Variants in ROBO1 observed in about 807,000 individuals in gnomAD.
ROBO1 encodes roundabout homolog 1.
In ROBO1, 149 loss-of-function variants were observed where a neutral mutation model predicts 195.9. The ratio of observed to expected loss-of-function variants is 0.76; its 90% confidence interval spans 0.67 to 0.87. ROBO1 has a LOEUF of 0.87. Ranked by LOEUF, ROBO1 falls within the 40% of genes least tolerant of loss-of-function variation. ROBO1 has a pLI of 0.00. For missense variants in ROBO1, 1,933 were observed against 2,068.3 expected, an observed-to-expected ratio of 0.93 and a Z score of 1.27; for synonymous variants, 816 against 733.2, an observed-to-expected ratio of 1.11 and a Z score of -1.82.
intron 3 of ROBO1, among the ~76,000 whole-genome samples, chr3:79,055,365 C>T (rs1474450800): frequency 6.6e-6 from 1 of 152,042 alleles, no homozygotes; most frequent in African/African-American, 2.4e-5. Context: ...TAAACAATGG[C>T]CCACCTGCAC....
intron 4 of ROBO1, among the ~76,000 whole-genome samples, chr3:78,767,935 A>G (rs1329482741): frequency 1.3e-5 from 2 of 151,708 alleles, no homozygotes; most frequent in African/African-American, 4.8e-5. Context: ...GTTCTGCTAT[A>G]ATCTTGGTTA....
chr3:78,784,427 T>C (rs1206523722), intron 4 of ROBO1, among the ~76,000 whole-genome samples: 2 of 152,162 alleles, frequency 1.3e-5, no homozygotes, highest in Non-Finnish European at 2.9e-5. Context: ...TTGAGTTCCA[T>C]TGGGTATCAG....
At chr3:79,608,886 A>T (rs897645246) in intron 1 of ROBO1, among the ~76,000 whole-genome samples, 12 of 151,952 alleles carry the variant, frequency 7.9e-5, no homozygotes, top group African/African-American at 2.9e-4. Flanking sequence ...AATGGTATTA[A>T]AAGATATATT....
chr3:79,229,256 G>A (rs769102384), intron 2 of ROBO1, among the ~76,000 whole-genome samples: 7 of 151,706 alleles, frequency 4.6e-5, no homozygotes, highest in Non-Finnish European at 1.0e-4. Flanking sequence ...GTTTGTTTCC[G>A]TAAAGAACAA....
At chr3:79,175,239 T>G (rs2081245083) in intron 2 of ROBO1, among the ~76,000 whole-genome samples, 2 of 152,210 alleles carry the variant, frequency 1.3e-5, no homozygotes, top group South Asian at 4.1e-4. Context: ...TTGATAATTT[T>G]TATACCCAGT....
chr3:79,626,678 G>A (rs1056768753), intron 1 of ROBO1, among the ~76,000 whole-genome samples: 5 of 152,082 alleles, frequency 3.3e-5, no homozygotes, highest in African/African-American at 1.2e-4. Flanking sequence ...AGAAATAAAG[G>A]ATATTCAAAT....
At position 79,703,580 on chromosome 3, in the gene ROBO1, G is replaced by A. The variant is rs192628364; in HGVS notation, c.-51+64172C>T. On this transcript the variant is annotated intron_variant, in intron 1 of 30. Transcript: ENST00000464233. ...AATTCATTACAATAAAAATAGCTAA[G>A]CAGTTTTTAGCATGTGTACTCTATT... Among the ~76,000 whole-genome samples the A allele has an allele frequency of 4.7e-3, 713 of 151,828 alleles. 10 individuals are homozygous for A. Among genetic ancestry groups the A allele is most frequent in the African/African-American group, 0.015 (619 of 41,476 alleles).
chr3:79,633,521 G>A (rs1266565391), intron 1 of ROBO1, among the ~76,000 whole-genome samples: 1 of 151,776 alleles, frequency 6.6e-6, no homozygotes, highest in Admixed American at 6.6e-5. Context: ...TATGAGAATG[G>A]AAGAAAAACT....
rs79558228 is a variant in ROBO1 at position 79,628,787 on chromosome 3, A to G, written c.-50-38826T>C. On this transcript the variant is annotated intron_variant, in intron 1 of 30. Coordinates refer to ENST00000464233, the MANE Select transcript of ROBO1 (RefSeq NM_002941.4). ...TCAGTAAAGGCACCCACAGACTAAA[A>G]GCAAAGGGTTTGGAAAGAGATATAC... Among the ~76,000 whole-genome samples the G allele has an allele frequency of 4.1e-3, 628 of 152,254 alleles. 4 individuals carry two copies. The highest frequency in any genetic ancestry group is 0.015 in the African/African-American group (606 of 41,550).
intron 8 of ROBO1, chr3:78,692,768 T>C (rs1055219331): frequency 1.3e-5 from 2 of 152,174 alleles, no homozygotes; most frequent in African/African-American, 4.8e-5. Context: ...GACAAATGTT[T>C]ATCAAAGTAC....
chr3:79,067,483 G>T (rs1481286926), intron 3 of ROBO1, among the ~76,000 whole-genome samples: 1 of 151,942 alleles, frequency 6.6e-6, no homozygotes, highest in Admixed American at 6.6e-5. Context: ...ACTGAAGTAA[G>T]ATTCTGAGTC....
chr3:79,250,607 C>T (rs1334208660), intron 2 of ROBO1, among the ~76,000 whole-genome samples: 1 of 151,928 alleles, frequency 6.6e-6, no homozygotes, highest in Non-Finnish European at 1.5e-5. Flanking sequence ...TCTTATAAAA[C>T]AGTCTATACT....
At chr3:79,394,531 GATATAA>G (rs1217310960) in intron 2 of ROBO1, among the ~76,000 whole-genome samples, 2 of 150,888 alleles carry the variant, frequency 1.3e-5, no homozygotes, top group African/African-American at 4.9e-5. Flanking sequence ...TACAGATATA[GATATAA>G]ATATAGATAC....
chr3:79,419,709 A>G (rs1559885750), intron 2 of ROBO1, among the ~76,000 whole-genome samples: 1 of 152,140 alleles, frequency 6.6e-6, no homozygotes, highest in East Asian at 1.9e-4. Flanking sequence ...GATATTTGAT[A>G]CATAGGAGTC....
At chr3:79,354,644 A>T (rs535155920) in intron 2 of ROBO1, among the ~76,000 whole-genome samples, 2 of 152,204 alleles carry the variant, frequency 1.3e-5, no homozygotes, top group African/African-American at 4.8e-5. Context: ...CCAACCTTTT[A>T]TAGATTTGTC....
At chr3:79,062,953 CA>C (rs1301933763) in intron 3 of ROBO1, among the ~76,000 whole-genome samples, 1 of 151,860 alleles carries the variant, frequency 6.6e-6, no homozygotes, top group East Asian at 1.9e-4. Flanking sequence ...GCACGTTCTG[CA>C]CATGTACCCT....
chr3:79,222,486 G>A (rs996615803), intron 2 of ROBO1, among the ~76,000 whole-genome samples: 3 of 151,706 alleles, frequency 2.0e-5, no homozygotes, highest in Non-Finnish European at 4.4e-5. Flanking sequence ...ATAAAATGCT[G>A]AAGAAGTCTA....
chr3:79,733,342 T>C (rs1173380336), intron 1 of ROBO1, among the ~76,000 whole-genome samples: 1 of 152,240 alleles, frequency 6.6e-6, no homozygotes, highest in African/African-American at 2.4e-5. Context: ...GATATTGTTG[T>C]AGGATGACAA....
intron 2 of ROBO1, among the ~76,000 whole-genome samples, chr3:79,164,135 AC>A (rs919261891): frequency 1.9e-4 from 29 of 152,238 alleles, no homozygotes; most frequent in African/African-American, 7.0e-4. Context: ...GGGAACTAAA[AC>A]AAAGAACCAG....
Sources: gnomAD v4.1 joint callset for allele counts (sites outside exome capture counted in the v4.1 genomes callset) on GRCh38, gnomAD v4.1.1 for gene constraint, MANE v1.5 for transcripts, NCBI Gene and HGNC (gene_info 2026-07-23, HGNC 2026-07-21) for gene names.